LINC00305: variants seen among roughly 807,000 people sequenced by gnomAD.
LINC00305 encodes the protein long intergenic non-protein coding RNA 305.
At chr18:64,088,414 T>G (rs17072546) in intron 3 of LINC00305, among the ~76,000 whole-genome samples, 6,700 of 152,270 alleles carry the variant, frequency 0.044, 478 homozygotes, top group African/African-American at 0.15. Flanking sequence ...CAGTGCTCTT[T>G]CTTGGGCAGT....
intron 1 of LINC00305, among the ~76,000 whole-genome samples, chr18:64,102,751 C>T (rs2051272580): frequency 6.6e-6 from 1 of 152,114 alleles, no homozygotes; most frequent in Non-Finnish European, 1.5e-5. Context: ...CTTACATGGT[C>T]AGAGCAGGAG....
intron 1 of LINC00305, among the ~76,000 whole-genome samples, chr18:64,110,153 C>T (rs760269382): frequency 3.3e-5 from 5 of 152,138 alleles, no homozygotes; most frequent in South Asian, 2.1e-4. Flanking sequence ...CAAAATTATT[C>T]GGTAGCTTGG....
At chr18:64,110,419 C>T (rs538916014) in intron 1 of LINC00305, among the ~76,000 whole-genome samples, 136 of 152,242 alleles carry the variant, frequency 8.9e-4, no homozygotes, top group Admixed American at 9.8e-4. Flanking sequence ...TCTCTACAAC[C>T]GGATGATAGT....
intron 1 of LINC00305, among the ~76,000 whole-genome samples, chr18:64,130,776 G>C (rs910760956): frequency 6.6e-6 from 1 of 152,050 alleles, no homozygotes; most frequent in Admixed American, 6.6e-5. Flanking sequence ...AAGTGGAAAG[G>C]GCAATGACAT....
At chr18:64,146,901 A>G (rs2051500866) in intron 1 of LINC00305, among the ~76,000 whole-genome samples, 1 of 152,158 alleles carries the variant, frequency 6.6e-6, no homozygotes, top group Non-Finnish European at 1.5e-5. Flanking sequence ...TCTCCTGCTG[A>G]AAACTAAAGG....
At chr18:64,104,694 G>C (rs146940110) in intron 1 of LINC00305, among the ~76,000 whole-genome samples, 1 of 152,320 alleles carries the variant, frequency 6.6e-6, no homozygotes, top group African/African-American at 2.4e-5. Flanking sequence ...GGGAAATTAG[G>C]AAGTGTTATG....
At chr18:64,094,888 A>AAAT (rs1196743513) in intron 3 of LINC00305, among the ~76,000 whole-genome samples, 13 of 97,120 alleles carry the variant, frequency 1.3e-4, no homozygotes, top group South Asian at 5.0e-4. Context: ...AATAAATAAT[A>AAAT]AAATAAAATA....
intron 1 of LINC00305, among the ~76,000 whole-genome samples, chr18:64,120,408 G>A (rs1375986787): frequency 6.6e-6 from 1 of 151,988 alleles, no homozygotes; most frequent in Non-Finnish European, 1.5e-5. Flanking sequence ...CCTTATCCCT[G>A]TGTGGTATGC....
intron 1 of LINC00305, among the ~76,000 whole-genome samples, chr18:64,124,677 A>T (rs1470727036): frequency 6.6e-6 from 1 of 152,150 alleles, no homozygotes; most frequent in African/African-American, 2.4e-5. Context: ...ATTTAATAAT[A>T]ACGATGATGA....
chr18:64,088,101 C>G (rs2051211022), intron 3 of LINC00305, among the ~76,000 whole-genome samples: 1 of 151,826 alleles, frequency 6.6e-6, no homozygotes, highest in African/African-American at 2.4e-5. Flanking sequence ...GATCGCACCA[C>G]TGCACTCCAG....
chr18:64,108,132 G>GA (rs1005704018), intron 1 of LINC00305, among the ~76,000 whole-genome samples: 1 of 151,680 alleles, frequency 6.6e-6, no homozygotes, highest in Non-Finnish European at 1.5e-5. Context: ...CTGGCCTTAA[G>GA]AAAAAAAATG....
At chr18:64,108,650 C>A (rs761542637) in intron 1 of LINC00305, among the ~76,000 whole-genome samples, 4 of 152,190 alleles carry the variant, frequency 2.6e-5, no homozygotes, top group Non-Finnish European at 5.9e-5. Context: ...CAACCCTTAT[C>A]TGTGCTTACA....
At chr18:64,134,866 A>G (rs867880353) in intron 1 of LINC00305, among the ~76,000 whole-genome samples, 1 of 152,226 alleles carries the variant, frequency 6.6e-6, no homozygotes, top group African/African-American at 2.4e-5. Context: ...TACAACAGGA[A>G]TTGAAACAAT....
chr18:64,085,543 A>G (rs1267606451), intron 3 of LINC00305, among the ~76,000 whole-genome samples: 1 of 146,486 alleles, frequency 6.8e-6, no homozygotes, highest in Non-Finnish European at 1.5e-5. Flanking sequence ...GCTCACGGCA[A>G]CCTCTGCCTC....
intron 1 of LINC00305, among the ~76,000 whole-genome samples, chr18:64,103,032 T>G (rs1472710990): frequency 1.3e-5 from 2 of 152,210 alleles, no homozygotes; most frequent in East Asian, 1.9e-4. Context: ...GTGGATTAGT[T>G]CTCATGATTC....
intron 1 of LINC00305, among the ~76,000 whole-genome samples, chr18:64,137,260 T>A (rs562452509): frequency 6.6e-6 from 1 of 152,026 alleles, no homozygotes; most frequent in South Asian, 2.1e-4. Flanking sequence ...CAAAGAAGGA[T>A]CTTTCGCTAG....
chr18:64,137,033 A>G (rs1046180896), intron 1 of LINC00305, among the ~76,000 whole-genome samples: 1 of 152,204 alleles, frequency 6.6e-6, no homozygotes, highest in Non-Finnish European at 1.5e-5. Flanking sequence ...ATTTGGAGAT[A>G]GGGTCTTTAT....
In LINC00305 at chr18:64,143,820, C is replaced by A. The variant is rs541261228; in HGVS notation, n.314+4955G>T. ...GCGTACATGTATGTATACATATATA[C>A]ACAGAGATAATTCTTATGTATGTAT... On this transcript the variant is annotated intron_variant and non_coding_transcript_variant, in intron 1 of 3. Coordinates refer to ENST00000666468, the Ensembl canonical transcript of LINC00305. Among the ~76,000 whole-genome samples the A allele has an allele frequency of 2.2e-3, 333 of 149,422 alleles. 3 individuals are homozygous for A. Among genetic ancestry groups the A allele is most frequent in the African/African-American group, 8.1e-3 (323 of 39,640 alleles).
At chr18:64,119,282 T>C (rs2051351477) in intron 1 of LINC00305, among the ~76,000 whole-genome samples, 1 of 152,090 alleles carries the variant, frequency 6.6e-6, no homozygotes, top group South Asian at 2.1e-4. Context: ...TCCAAGCTGA[T>C]GGACTGACTG....
Sources: allele counts gnomAD v4.1 joint callset (sites outside exome capture counted in the v4.1 genomes callset), GRCh38; gene constraint gnomAD v4.1.1; transcripts MANE v1.5; gene names NCBI Gene and HGNC (gene_info 2026-07-23, HGNC 2026-07-21).